AHR: variants seen among roughly 807,000 people sequenced by gnomAD.
AHR encodes AH-receptor.
AHR carries 40 observed loss-of-function variants against 86.8 expected under a neutral mutation model. The observed-to-expected ratio is 0.46, with a 90% CI of 0.36 to 0.60. AHR has a LOEUF of 0.60. Among genes scored for constraint, AHR ranks in the 20% least tolerant of loss-of-function variants. The probability of loss-of-function intolerance (pLI) is 0.00; values close to 1 mark genes in which losing one functional copy is unlikely to be tolerated. For missense variants in AHR, 1,001 were observed against 1,011.6 expected, an observed-to-expected ratio of 0.99 and a Z score of 0.14; for synonymous variants, 398 against 354.9, an observed-to-expected ratio of 1.12 and a Z score of -1.37.
intron 7 of AHR, 22 bp downstream of exon 7, chr7:17,334,136 T>C: frequency 1.3e-6 from 2 of 1,580,266 alleles, no homozygotes; most frequent in Non-Finnish European, 1.7e-6. Flanking sequence ...TTTTTCACTT[T>C]TATTTTATTG....
chr7:17,329,838 T>C (rs539918640), intron 4 of AHR, 114 bp from the exon 5 acceptor site: 128 of 892,004 alleles, frequency 1.4e-4, no homozygotes, highest in Non-Finnish European at 2.0e-4. Flanking sequence ...AATCATTCAA[T>C]TCGTATTCAT....
chr7:17,338,871 C>A, intron 9 of AHR, 115 bp from the exon 10 acceptor site: 2 of 1,016,756 alleles, frequency 2.0e-6, no homozygotes, highest in Non-Finnish European at 2.7e-6. Context: ...AAAATATGTC[C>A]CTTTCTGAAT....
chr7:17,310,090 G>A lies in AHR; in HGVS notation c.220G>A (p.Val74Ile), dbSNP rs545782208. The A allele has an allele frequency of 1.5e-5, 25 of 1,613,808 alleles. No individual in the cohort carries two copies. Among genetic ancestry groups the A allele is most frequent in the East Asian group, 4.5e-5 (2 of 44,868 alleles). ...LDKLSVLRLSVSYLRAKSFFD... is the reference protein window; with the variant it reads ...LDKLSVLRLSISYLRAKSFFD... ...CAAACTTTCAGTTCTTAGGCTCAGCGTCAGTTACCTGAGAGCCAAGAGCTT... is the reference window on the plus strand; with the variant it reads ...CAAACTTTCAGTTCTTAGGCTCAGCATCAGTTACCTGAGAGCCAAGAGCTT... The change falls in exon 2 of 11, where the codon GTC (valine) becomes ATC (isoleucine). Residue 74 changes from valine to isoleucine, a missense_variant. Physicochemically the swap from Val to Ile is conservative, Grantham distance 29. This residue lies in a region of AHR where 394 missense variants were observed against 468.5 expected (regional missense o/e 0.84). Coordinates refer to ENST00000242057, the MANE Select transcript of AHR (RefSeq NM_001621.5).
chr7:17,330,776 A>G lies in AHR; in HGVS notation c.595A>G (p.Thr199Ala), dbSNP rs1024632825. 6.2e-7 allele frequency: 1 copy of G among 1,610,700 alleles called. No individual in the cohort carries two copies. The highest frequency in any genetic ancestry group is 8.5e-7 in the Non-Finnish European group (1 of 1,177,900). The change falls in exon 6 of 11, where the codon ACA becomes GCA. Residue 199 changes from threonine (T) to alanine (A), a missense_variant. Coordinates refer to ENST00000242057, the MANE Select transcript of AHR (RefSeq NM_001621.5). Reference protein sequence around the residue: ...GIEEATGLPQTVVCYNPDQIP... With the variant: ...GIEEATGLPQAVVCYNPDQIP... Reference sequence around the variant, plus strand: ...TACAGAAGCCACTGGTCTCCCCCAGACAGTAGTCTGTTATAACCCAGACCA... The same window carrying G: ...TACAGAAGCCACTGGTCTCCCCCAGGCAGTAGTCTGTTATAACCCAGACCA...
chr7:17,337,992 G>T (rs1373295480), intron 9 of AHR, among the ~76,000 whole-genome samples: 4 of 150,970 alleles, frequency 2.6e-5, no homozygotes, highest in Non-Finnish European at 5.9e-5. Flanking sequence ...GAGGTCAGGA[G>T]ATCGAGACCA....
At chr7:17,310,866 C>T (rs1350343534) in intron 2 of AHR, among the ~76,000 whole-genome samples, 2 of 151,980 alleles carry the variant, frequency 1.3e-5, no homozygotes. Flanking sequence ...AATTGTATAC[C>T]GACTGCAAGA....
chr7:17,328,476 A>G (rs1022318123), intron 4 of AHR, among the ~76,000 whole-genome samples: 2 of 151,986 alleles, frequency 1.3e-5, no homozygotes, highest in African/African-American at 4.8e-5. Flanking sequence ...AACATCTTTT[A>G]TGGTTTGAGA....
At chr7:17,311,047 C>A (rs968736358) in intron 2 of AHR, among the ~76,000 whole-genome samples, 1 of 152,156 alleles carries the variant, frequency 6.6e-6, no homozygotes, top group East Asian at 1.9e-4. Flanking sequence ...TTGAGCTAGG[C>A]AGCTGGATGA....
Position 17,299,075 on chromosome 7 carries a change from C to T in AHR, c.-190C>T. On this transcript the variant is annotated 5_prime_UTR_variant, in exon 1 of 11. Coordinates refer to ENST00000242057, the MANE Select transcript of AHR (RefSeq NM_001621.5). ...GGCAGCTCACCTGTACTGGCGCGGGCTGCGGAAGCCTGCGTGAGCCGAGGC... is the reference window on the plus strand; with the variant it reads ...GGCAGCTCACCTGTACTGGCGCGGGTTGCGGAAGCCTGCGTGAGCCGAGGC... The T allele has an allele frequency of 1.7e-6, 1 of 572,652 alleles. No homozygotes were observed. The highest frequency in any genetic ancestry group is 2.9e-6 in the Non-Finnish European group (1 of 347,360). The allele number at this position is 572,652 out of a possible 1,614,324, so 35.5% of individuals were successfully genotyped here. A position where few individuals can be genotyped will look rare whatever the true frequency, so the allele number is the denominator to read the frequency against.
chr7:17,330,736 T>C lies in AHR; in HGVS notation c.575-20T>C. The C allele has an allele frequency of 1.3e-6, 2 of 1,530,078 alleles. No individual in the cohort carries two copies. Among genetic ancestry groups the C allele is most frequent in the Non-Finnish European group, 1.8e-6 (2 of 1,134,352 alleles). 94.8% of individuals were successfully genotyped at this position (1,530,078 alleles called of 1,614,324 possible). On this transcript the variant is annotated intron_variant, in intron 5 of 10. Transcript: ENST00000242057. ...ACAGCAAAATGGAAAGTAAATTTTG[T>C]TTTGCCTTTATTTCTACAGAAGCCA...
At position 17,329,127 on chromosome 7, in the gene AHR, C is replaced by T. The variant is rs76603643; in HGVS notation, c.451-825C>T. 1.6e-4 allele frequency among the ~76,000 whole-genome samples: 24 copies of T among 151,922 alleles called. No individual in the cohort carries two copies. The East Asian group carries it at 3.5e-3, about 22-fold the overall frequency. Reference sequence around the variant, plus strand: ...TTCCTAAAAGAATATTCATATCTGACGCAAGTGGTAGATTAAGACACCATT... The same window carrying T: ...TTCCTAAAAGAATATTCATATCTGATGCAAGTGGTAGATTAAGACACCATT... On this transcript the variant is annotated intron_variant, in intron 4 of 10. Transcript: ENST00000242057.
At chr7:17,325,537 T>G (rs1027386514) in intron 3 of AHR, among the ~76,000 whole-genome samples, 2 of 152,230 alleles carry the variant, frequency 1.3e-5, no homozygotes, top group Non-Finnish European at 2.9e-5. Context: ...TCATTAACTA[T>G]TCAAGTTCTT....
At chr7:17,314,406 GTGA>G (rs901050223) in intron 2 of AHR, among the ~76,000 whole-genome samples, 8 of 152,052 alleles carry the variant, frequency 5.3e-5, no homozygotes, top group Non-Finnish European at 1.2e-4. Context: ...GTTATATTAT[GTGA>G]TGATCTAACA....
Position 17,334,809 on chromosome 7 carries a change from C to A in AHR, c.909-78C>A, listed in dbSNP as rs963821484. The A allele has an allele frequency of 7.7e-6, 8 of 1,042,384 alleles. No homozygotes were observed. In the Admixed American group the frequency reaches 9.3e-5, roughly 12 times the overall value. 64.6% of individuals were successfully genotyped at this position (1,042,384 alleles called of 1,614,324 possible). On this transcript the variant is annotated intron_variant, in intron 7 of 10. Transcript: ENST00000242057. Reference sequence around the variant, plus strand: ...ACATATTGCAGAAACTAGCGTAAAACCAATGAATTTATCTTGGTTATTTCA... The same window carrying A: ...ACATATTGCAGAAACTAGCGTAAAAACAATGAATTTATCTTGGTTATTTCA...
At chr7:17,305,581 T>C (rs1781997201) in intron 1 of AHR, among the ~76,000 whole-genome samples, 1 of 152,074 alleles carries the variant, frequency 6.6e-6, no homozygotes, top group African/African-American at 2.4e-5. Flanking sequence ...AAACAAGTTA[T>C]GGGTAAGTAG....
intron 1 of AHR, among the ~76,000 whole-genome samples, chr7:17,300,333 T>C (rs898522231): frequency 3.9e-5 from 6 of 152,366 alleles, no homozygotes; most frequent in Non-Finnish European, 5.9e-5. Context: ...TTTCAAGTTT[T>C]CGTAAACAAT....
Position 17,339,681 on chromosome 7 carries a change from T to G in AHR, c.1856T>G (p.Leu619Arg). The change falls in exon 10 of 11, where the codon CTA (leucine) becomes CGA (arginine). Residue 619 changes from leucine to arginine, a missense_variant. Leu to Arg is a moderately radical substitution (Grantham distance 102). This residue lies in a region of AHR where 607 missense variants were observed against 543.1 expected (regional missense o/e 1.12). Coordinates refer to ENST00000242057, the MANE Select transcript of AHR (RefSeq NM_001621.5). ...SSCMVQEHLH[L>R]EQQQQHHQKQ... ...TGTATGGTACAGGAACACCTACATCTAGAACAGCAACAGCAACATCACCAA... is the reference window on the plus strand; with the variant it reads ...TGTATGGTACAGGAACACCTACATCGAGAACAGCAACAGCAACATCACCAA... The G allele has an allele frequency of 6.2e-7, 1 of 1,614,062 alleles. No individual in the cohort carries two copies. Among genetic ancestry groups the G allele is most frequent in the East Asian group, 2.2e-5 (1 of 44,874 alleles).
rs1037302440 is a variant in AHR at position 17,299,135 on chromosome 7, G to C, written c.-130G>C. 8.0e-6 allele frequency: 8 copies of C among 994,072 alleles called. No individual in the cohort carries two copies. The Admixed American group carries it at 2.6e-4, about 32-fold the overall frequency. The allele number at this position is 994,072 out of a possible 1,614,324, so 61.6% of individuals were successfully genotyped here. ...CGGCGCCCACGCCACTGTCCCGAGA[G>C]GACGCAGGTGGAGCGGGCGCGGCTT... On this transcript the variant is annotated 5_prime_UTR_variant, in exon 1 of 11. Transcript: ENST00000242057.
intron 2 of AHR, among the ~76,000 whole-genome samples, chr7:17,321,548 C>T (rs777361840): frequency 1.1e-4 from 17 of 151,126 alleles, no homozygotes; most frequent in Non-Finnish European, 1.9e-4. Flanking sequence ...TATTTCTATT[C>T]AGCTGCGCTT....
Sources: allele counts gnomAD v4.1 joint callset (sites outside exome capture counted in the v4.1 genomes callset), GRCh38; gene constraint gnomAD v4.1.1; regional missense constraint gnomAD v4.1.1; transcripts MANE v1.5; gene names NCBI Gene and HGNC (gene_info 2026-07-23, HGNC 2026-07-21).